The following ZAN variants were observed in gnomAD, a reference collection of about 807,000 sequenced individuals.
ZAN encodes zonadhesin.
Under a neutral mutation model 286.2 loss-of-function variants are expected in ZAN, and 260 were observed. The observed-to-expected ratio is 0.91, with a 90% CI of 0.82 to 1.01. The LOEUF (loss-of-function observed/expected upper bound fraction) is 1.01. ZAN is among the 50% of genes least tolerant of loss of function. The pLI, the probability that ZAN is intolerant of heterozygous loss-of-function variation, is 0.00. For synonymous variants in ZAN, 1,368 were observed against 1,417.5 expected (o/e 0.97, Z 0.79); for missense variants, 3,410 against 3,639.2 (o/e 0.94, Z 1.62).
chr7:100,796,083 A>G (rs766974917), intron 45 of ZAN, among the ~76,000 whole-genome samples: 3 of 151,952 alleles, frequency 2.0e-5, no homozygotes, highest in Non-Finnish European at 2.9e-5. Context: ...CTCAAAAAAA[A>G]CAAAAAACAA....
At chr7:100,750,087 C>CACAT (rs1554399875) in intron 11 of ZAN, among the ~76,000 whole-genome samples, 34 of 150,446 alleles carry the variant, frequency 2.3e-4, no homozygotes, top group South Asian at 8.5e-4. Flanking sequence ...CACACACACA[C>CACAT]ACACACACAC....
At chr7:100,760,265 C>T (rs1296497613) in intron 18 of ZAN, 126 bp from the exon 19 acceptor site, 3 of 1,296,882 alleles carry the variant, frequency 2.3e-6, no homozygotes, top group African/African-American at 3.0e-5. Context: ...CAGTCCACTC[C>T]TGGTGGATGA....
intron 45 of ZAN, among the ~76,000 whole-genome samples, chr7:100,795,711 T>C (rs2116363443): frequency 6.6e-6 from 1 of 151,460 alleles, no homozygotes; most frequent in South Asian, 2.1e-4. Context: ...TGGAGACCAT[T>C]CTGGCTAACG....
At chr7:100,748,551 G>C (rs894939483) in intron 11 of ZAN, 81 bp downstream of exon 11, 2 of 1,520,902 alleles carry the variant, frequency 1.3e-6, no homozygotes, top group Non-Finnish European at 1.8e-6. Context: ...TGACTGATGG[G>C]AGACGTTGTT....
chr7:100,769,557 T>A (rs1428820315), intron 27 of ZAN, among the ~76,000 whole-genome samples: 1 of 151,068 alleles, frequency 6.6e-6, no homozygotes, highest in Non-Finnish European at 1.5e-5. Flanking sequence ...TTTCTTTTCT[T>A]TTCTTGAGAC....
In ZAN at chr7:100,763,720, G is replaced by A. The variant is rs923401143; in HGVS notation, c.3987-86G>A. ...GCTGACAGGCTGGTTTGCCGGTCCC[G>A]GCCTGCCAGCCTTGCTGCCTGCTGG... On this transcript the variant is annotated intron_variant, in intron 20 of 47. Transcript: ENST00000613979. The surrounding 1 kb of genome is among the most constrained non-coding windows in gnomAD (Gnocchi z 4.6). 2.7e-5 allele frequency: 38 copies of A among 1,414,262 alleles called. No individual in the cohort carries two copies. In the Admixed American group the frequency reaches 4.1e-4, roughly 15 times the overall value. The allele number at this position is 1,414,262 out of a possible 1,614,324, so 87.6% of individuals were successfully genotyped here.
chr7:100,748,397 T>C lies in ZAN; in HGVS notation c.1176T>C (p.Gly392=). 2 of 1,613,950 alleles carry C rather than the reference T, an allele frequency of 1.2e-6. No individual in the cohort carries two copies. Among genetic ancestry groups the C allele is most frequent in the Non-Finnish European group, 1.7e-6 (2 of 1,179,874 alleles). Residue 392 remains glycine (G), a synonymous_variant, in exon 11 of 48, where the codon GGT becomes GGC. Transcript: ENST00000613979. ...ACTGGGTCCAGACTTCCGGGGATGG[T>C]GGACACTGGGCCCTCGGACATAAAA... The part of the protein sequence containing the change: ...FCDWVQTSGD[G]GHWALGHKNG...
chr7:100,793,875 A>C lies in ZAN; in HGVS notation c.7843A>C (p.Ile2615Leu), dbSNP rs765832425. The change falls in exon 43 of 48, where the codon ATC (isoleucine) becomes CTC (leucine). Residue 2615 changes from isoleucine to leucine, a missense_variant. Transcript: ENST00000613979. ...AGAGCTGTATGACACCCTGCCCAGC[A>C]TCCTGTGCCAACCTGGCAGACCCCG... Reference protein sequence around the residue: ...ISELYDTLPSILCQPGRPRGL... With the variant: ...ISELYDTLPSLLCQPGRPRGL... The C allele has an allele frequency of 1.2e-6, 2 of 1,613,828 alleles. No individual in the cohort carries two copies. Among genetic ancestry groups the C allele is most frequent in the South Asian group, 2.2e-5 (2 of 91,060 alleles).
In ZAN at chr7:100,750,892, T is replaced by A. The variant is rs1329263965; in HGVS notation, c.1517T>A (p.Met506Lys). 4 of 1,541,146 alleles carry A rather than the reference T, an allele frequency of 2.6e-6. No individual in the cohort carries two copies. Among genetic ancestry groups the A allele is most frequent in the East Asian group, 4.5e-5 (2 of 44,176 alleles). The change falls in exon 12 of 48, where the codon ATG becomes AAG. Residue 506 changes from methionine to lysine, a missense_variant. Physicochemically the swap from Met to Lys is moderately conservative, Grantham distance 95 (BLOSUM62 -1). Transcript: ENST00000613979. Reference protein sequence around the residue: ...VTVPSGHQQPMQLIFKGIQGS... With the variant: ...VTVPSGHQQPKQLIFKGIQGS... ...GTCCCCTCAGGACACCAACAGCCCA[T>A]GCAGGTGAGAGACGGAGGCGGGGGT...
Position 100,736,826 on chromosome 7 carries a change from A to G in ZAN, c.271A>G (p.Met91Val). The G allele has an allele frequency of 6.8e-7, 1 of 1,479,562 alleles. No homozygotes were observed. Among genetic ancestry groups the G allele is most frequent in the Non-Finnish European group, 9.2e-7 (1 of 1,085,854 alleles). 91.7% of individuals were successfully genotyped at this position (1,479,562 alleles called of 1,614,324 possible). Residue 91 changes from methionine (M) to valine (V), a missense_variant, in exon 5 of 48, where the codon ATG becomes GTG. By Grantham distance (21) the Met-to-Val change is conservative. Around this residue, in one of 7 missense-constraint regions of ZAN, gnomAD observed 872 missense variants for 938.9 expected, o/e 0.93. Transcript: ENST00000613979. The part of the protein sequence containing the change: ...YPNGEGSYLH[M>V]ESNSFHRGGV... ...TCCCCCAGAGGGCAGCTATCTGCAT[A>G]TGGAATCGAACAGCTTCCACCGTGG...
rs749990833 is a variant in ZAN at position 100,736,842 on chromosome 7, T to C, written c.287T>C (p.Phe96Ser). Residue 96 changes from phenylalanine (F) to serine (S), a missense_variant, in exon 5 of 48, where the codon TTC (phenylalanine) becomes TCC (serine). Transcript: ENST00000613979. ...GSYLHMESNS[F>S]HRGGVARLLS... is the part of the protein sequence containing the mutation. ...TATCTGCATATGGAATCGAACAGCT[T>C]CCACCGTGGGGGAGTGGCCCGCCTG... The C allele has an allele frequency of 6.1e-6, 9 of 1,481,788 alleles. 2 individuals are homozygous for C. Among genetic ancestry groups the C allele is most frequent in the Non-Finnish European group, 8.3e-6 (9 of 1,086,794 alleles). 91.8% of individuals were successfully genotyped at this position (1,481,788 alleles called of 1,614,324 possible). A position where few individuals can be genotyped will look rare whatever the true frequency, so the allele number is the denominator to read the frequency against.
In ZAN at chr7:100,787,951, C is replaced by T. The variant is rs549519838; in HGVS notation, c.7042C>T (p.Arg2348Cys). The T allele has an allele frequency of 2.7e-5, 13 of 485,192 alleles. No homozygotes were observed. Among genetic ancestry groups the T allele is most frequent in the Admixed American group, 2.4e-4 (8 of 33,328 alleles). 30.1% of individuals were successfully genotyped at this position (485,192 alleles called of 1,614,324 possible). A position where few individuals can be genotyped will look rare whatever the true frequency, so the allele number is the denominator to read the frequency against. ...RYLTFDGFSY[R>C]LQGRMTYVLI... ...CCTCACATTTGACGGCTTCAGCTACCGCTTGCAAGGCCGCATGACCTATGT... is the reference window on the plus strand; with the variant it reads ...CCTCACATTTGACGGCTTCAGCTACTGCTTGCAAGGCCGCATGACCTATGT... Residue 2348 changes from arginine to cysteine, a missense_variant, in exon 38 of 48, where the codon CGC becomes TGC. Coordinates refer to ENST00000613979, the MANE Select transcript of ZAN (RefSeq NM_003386.3).
Position 100,734,917 on chromosome 7 carries a change from G to T in ZAN, c.53+696G>T, listed in dbSNP as rs186856462. Among the ~76,000 whole-genome samples, 4 of 141,002 alleles carry T rather than the reference G, an allele frequency of 2.8e-5. 1 individual carries two copies. The highest frequency in any genetic ancestry group is 4.8e-5 in the Non-Finnish European group (3 of 62,920). The allele number at this position is 141,002 out of a possible 152,430, so 92.5% of individuals were successfully genotyped here. A position where few individuals can be genotyped will look rare whatever the true frequency, so the allele number is the denominator to read the frequency against. ...TGACGGATGACAGGCCAAGCGCGGC[G>T]GCTCACCCCTGTAATCCCAGCACTT... On this transcript the variant is annotated intron_variant, in intron 2 of 47. Coordinates refer to ENST00000613979, the MANE Select transcript of ZAN (RefSeq NM_003386.3).
intron 7 of ZAN, among the ~76,000 whole-genome samples, chr7:100,740,182 C>T (rs902884262): frequency 1.4e-5 from 2 of 140,824 alleles, no homozygotes; most frequent in African/African-American, 2.6e-5. Flanking sequence ...TCCACAGGAG[C>T]GGCAGATCAC....
chr7:100,736,857 T>G lies in ZAN; in HGVS notation c.302T>G (p.Val101Gly). 6.7e-7 allele frequency: 1 copy of G among 1,482,120 alleles called. No homozygotes were observed. The highest frequency in any genetic ancestry group is 1.9e-5 in the Admixed American group (1 of 51,578). 91.8% of individuals were successfully genotyped at this position (1,482,120 alleles called of 1,614,324 possible). ...TCGAACAGCTTCCACCGTGGGGGAGTGGCCCGCCTGCTCAGCCCCGACCTA... is the reference window on the plus strand; with the variant it reads ...TCGAACAGCTTCCACCGTGGGGGAGGGGCCCGCCTGCTCAGCCCCGACCTA... ...MESNSFHRGG[V>G]ARLLSPDLWE... The change falls in exon 5 of 48, where the codon GTG (valine) becomes GGG (glycine). Residue 101 changes from valine (V) to glycine (G), a missense_variant. Transcript: ENST00000613979.
chr7:100,762,740 C>T lies in ZAN; in HGVS notation c.3986+382C>T, dbSNP rs569056787. Among the ~76,000 whole-genome samples the T allele has an allele frequency of 1.2e-4, 17 of 140,410 alleles. No individual in the cohort carries two copies. In the South Asian group the frequency reaches 2.1e-3, roughly 17 times the overall value. The allele number at this position is 140,410 out of a possible 152,430, so 92.1% of individuals were successfully genotyped here. A position where few individuals can be genotyped will look rare whatever the true frequency, so the allele number is the denominator to read the frequency against. ...ACACCACCACGTCCAGCCCTCCACC[C>T]GCCCTTTTTTTTTTTTTGAGATGGG... On this transcript the variant is annotated intron_variant, in intron 20 of 47. Transcript: ENST00000613979.
chr7:100,769,817 G>C (rs1303546382), intron 27 of ZAN, 63 bp from the exon 28 acceptor site: 3 of 1,459,892 alleles, frequency 2.1e-6, no homozygotes, highest in Non-Finnish European at 2.8e-6. Context: ...AAAGTGCTGG[G>C]ATTATAGGCA....
chr7:100,761,601 TC>T lies in ZAN; in HGVS notation c.3843-612del, dbSNP rs1809584483. On this transcript the variant is annotated intron_variant, in intron 19 of 47. Transcript: ENST00000613979. ...GTGAGCCGAGATTGCACCACTGTGC[TC>T]CAGCCTGAGCCACAGAGGGTGACCC... Among the ~76,000 whole-genome samples, 10 of 152,040 alleles carry T rather than the reference TC, an allele frequency of 6.6e-5. No individual in the cohort carries two copies. The South Asian group carries it at 2.1e-3, about 32-fold the overall frequency.
At chr7:100,754,976 G>A (rs1017768796) in intron 14 of ZAN, among the ~76,000 whole-genome samples, 4 of 152,094 alleles carry the variant, frequency 2.6e-5, no homozygotes, top group African/African-American at 9.7e-5. Context: ...GTTTTGTAGG[G>A]ATGGGGTCTC....
Sources: allele counts gnomAD v4.1 joint callset (sites outside exome capture counted in the v4.1 genomes callset), GRCh38; gene constraint gnomAD v4.1.1; regional missense constraint gnomAD v4.1.1; non-coding constraint Gnocchi (gnomAD v3.1); transcripts MANE v1.5; gene names NCBI Gene and HGNC (gene_info 2026-07-23, HGNC 2026-07-21).